KLHL26: variants seen among roughly 807,000 people sequenced by gnomAD.
KLHL26 encodes kelch-like protein 26.
KLHL26 carries 4 observed loss-of-function variants against 7.1 expected under a neutral mutation model. That is an observed-to-expected ratio of 0.56 (90% CI 0.28 to 1.28). The LOEUF (loss-of-function observed/expected upper bound fraction) is 1.28, where lower values mean the gene tolerates loss of function less well. KLHL26 is among the 50% of genes most tolerant of loss of function. The probability of loss-of-function intolerance (pLI) is 0.11; values close to 1 mark genes in which losing one functional copy is unlikely to be tolerated. For missense variants in KLHL26, 896 were observed against 924.6 expected (o/e 0.97, Z 0.40); for synonymous variants, 465 against 414.1 (o/e 1.12, Z -1.49).
chr19:18,666,626 G>A (rs2052450695), intron 2 of KLHL26, among the ~76,000 whole-genome samples: 1 of 152,146 alleles, frequency 6.6e-6, no homozygotes, highest in Non-Finnish European at 1.5e-5. Context: ...CGGAGCTGGG[G>A]TCTCAATGGA....
In KLHL26 at chr19:18,668,091, C is replaced by A. The variant is rs780012342; in HGVS notation, c.694C>A (p.Arg232Ser). Residue 232 changes from arginine (R) to serine (S), a missense_variant, in exon 3 of 3, where the codon CGC (arginine) becomes AGC (serine). Transcript: ENST00000300976. Reference protein sequence around the residue: ...AEIDLFRAAVRWLQHDPARRP... With the variant: ...AEIDLFRAAVSWLQHDPARRP... ...GATCGACCTGTTCCGCGCGGCCGTC[C>A]GCTGGCTGCAGCATGACCCGGCCCG... 1 of 1,604,752 alleles carries A rather than the reference C, an allele frequency of 6.2e-7. No individual in the cohort carries two copies. Among genetic ancestry groups the A allele is most frequent in the Non-Finnish European group, 8.5e-7 (1 of 1,179,686 alleles).
At chr19:18,647,993 G>A (rs1281821697) in intron 1 of KLHL26, among the ~76,000 whole-genome samples, 1 of 152,210 alleles carries the variant, frequency 6.6e-6, no homozygotes, top group Non-Finnish European at 1.5e-5. Flanking sequence ...AACGTCGTGC[G>A]GTCATTTCCG....
chr19:18,665,582 C>A (rs906107307), intron 2 of KLHL26, among the ~76,000 whole-genome samples: 1 of 152,226 alleles, frequency 6.6e-6, no homozygotes, highest in African/African-American at 2.4e-5. Flanking sequence ...GAGTTCTCCT[C>A]CCTGTCTCCC....
In KLHL26 at chr19:18,668,347, C is replaced by T. The variant is rs750154138; in HGVS notation, c.950C>T (p.Thr317Met). Residue 317 changes from threonine to methionine, a missense_variant, in exon 3 of 3, where the codon ACG becomes ATG. Coordinates refer to ENST00000300976, the MANE Select transcript of KLHL26 (RefSeq NM_018316.3). ...DVPSLVTFGG[T>M]PYTDSDRSVS... ...CCCTCGCTCGTCACCTTCGGCGGCA[C>T]GCCCTACACCGACAGCGACCGCTCG... is the stretch of plus-strand genomic sequence containing the variant. 1.9e-6 allele frequency: 3 copies of T among 1,607,552 alleles called. No homozygotes were observed. Among genetic ancestry groups the T allele is most frequent in the African/African-American group, 1.3e-5 (1 of 74,896 alleles).
At chr19:18,652,875 C>T (rs1222785007) in intron 1 of KLHL26, among the ~76,000 whole-genome samples, 3 of 152,120 alleles carry the variant, frequency 2.0e-5, no homozygotes, top group African/African-American at 7.2e-5. Flanking sequence ...GGCAGGCAGC[C>T]TAGAAAAGGG....
Position 18,668,804 on chromosome 19 carries a change from G to A in KLHL26, c.1407G>A (p.Gly469=). 6.3e-7 allele frequency: 1 copy of A among 1,595,940 alleles called. No homozygotes were observed. The highest frequency in any genetic ancestry group is 8.5e-7 in the Non-Finnish European group (1 of 1,178,080). Residue 469 remains glycine (G), a synonymous_variant, in exon 3 of 3, where the codon GGG becomes GGA. Transcript: ENST00000300976. ...GCCTCTACATCTCGGGTGGCTACGGGATCTCAGTGGAGGACAAGAAGGCCC... is the reference window on the plus strand; with the variant it reads ...GCCTCTACATCTCGGGTGGCTACGGAATCTCAGTGGAGGACAAGAAGGCCC... ...GGRLYISGGY[G]ISVEDKKALH...
intron 2 of KLHL26, 86 bp downstream of exon 2, chr19:18,664,529 C>A: frequency 2.7e-6 from 3 of 1,100,442 alleles, no homozygotes; most frequent in Non-Finnish European, 3.8e-6. Flanking sequence ...CTAAAGGGGG[C>A]CTGTCTCAGC....
rs1475357358 is a variant in KLHL26, at chr19:18,667,868, G to A, written c.471G>A (p.Lys157=). Residue 157 remains lysine, a synonymous_variant, in exon 3 of 3, where the codon AAG becomes AAA. Transcript: ENST00000300976. ...PVVELCEEFL[K]AAMSVETCLN... ...TGGAGCTGTGCGAGGAGTTCCTGAAGGCGGCCATGAGCGTGGAGACCTGCC... is the reference window on the plus strand; with the variant it reads ...TGGAGCTGTGCGAGGAGTTCCTGAAAGCGGCCATGAGCGTGGAGACCTGCC... 6.2e-6 allele frequency: 10 copies of A among 1,612,914 alleles called. No individual in the cohort carries two copies. Among genetic ancestry groups the A allele is most frequent in the Middle Eastern group, 1.6e-4 (1 of 6,062 alleles).
At position 18,637,165 on chromosome 19, in the gene KLHL26, G is replaced by A. The variant is rs1705226035; in HGVS notation, c.83+28G>A. 3.1e-6 allele frequency: 4 copies of A among 1,295,706 alleles called. No homozygotes were observed. In the Admixed American group the frequency reaches 1.7e-4, roughly 54 times the overall value. The allele number at this position is 1,295,706 out of a possible 1,614,324, so 80.3% of individuals were successfully genotyped here. On this transcript the variant is annotated intron_variant, in intron 1 of 2. Coordinates refer to ENST00000300976, the MANE Select transcript of KLHL26 (RefSeq NM_018316.3). The stretch of plus-strand genomic sequence containing the variant: ...GAGACCCGGCCCGCAGGATAGACCT[G>A]CACCTGTCTTGGAGCCCAGGAAACC...
At chr19:18,638,659 G>T (rs1976660201) in intron 1 of KLHL26, among the ~76,000 whole-genome samples, 1 of 152,212 alleles carries the variant, frequency 6.6e-6, no homozygotes, top group African/African-American at 2.4e-5. Flanking sequence ...CCTGCCTTGG[G>T]CACTGGAGTG....
In KLHL26 at chr19:18,668,214, G is replaced by A. The variant is rs1301794630; in HGVS notation, c.817G>A (p.Glu273Lys). The A allele has an allele frequency of 4.3e-6, 7 of 1,611,778 alleles. No homozygotes were observed. Among genetic ancestry groups the A allele is most frequent in the Non-Finnish European group, 5.9e-6 (7 of 1,179,876 alleles). Residue 273 changes from glutamate (E) to lysine (K), a missense_variant, in exon 3 of 3, where the codon GAG (glutamate) becomes AAG (lysine). By Grantham distance (56) the Glu-to-Lys change is moderately conservative. Transcript: ENST00000300976. ...DSVQTLDIMV[E>K]DVLCRQYLLE... ...CGTGCAGACGCTGGACATCATGGTG[G>A]AGGACGTGCTGTGCCGCCAGTATCT...
rs1332978933 is a variant in KLHL26, at chr19:18,649,181, C to T, written c.83+12044C>T. ...GCTCGCCCTGTCGTCATGGTACATT[C>T]TCTGCTTGAGGACCCATGTCCCTGT... On this transcript the variant is annotated intron_variant, in intron 1 of 2. Transcript: ENST00000300976. This position sits in a 1 kb window ranked among gnomAD's most constrained non-coding sequence, Gnocchi z 4.0. Among the ~76,000 whole-genome samples the T allele has an allele frequency of 6.6e-6, 1 of 152,232 alleles. No homozygotes were observed. The highest frequency in any genetic ancestry group is 1.5e-5 in the Non-Finnish European group (1 of 68,054).
At position 18,668,952 on chromosome 19, in the gene KLHL26, C is replaced by G; in HGVS notation, c.1555C>G (p.His519Asp). Residue 519 changes from histidine (H) to aspartate (D), a missense_variant, in exon 3 of 3, where the codon CAC (histidine) becomes GAC (aspartate). Transcript: ENST00000300976. The part of the protein sequence containing the change: ...RIYALGGRMD[H>D]VDRCFDVLAV... ...CTATGCCCTCGGGGGCCGCATGGAC[C>G]ACGTGGACCGCTGCTTCGACGTGCT... The G allele has an allele frequency of 6.2e-7, 1 of 1,611,064 alleles. No homozygotes were observed. The highest frequency in any genetic ancestry group is 8.5e-7 in the Non-Finnish European group (1 of 1,179,916).
In KLHL26 at chr19:18,668,100, C is replaced by CA; in HGVS notation, c.704dup (p.His236AlafsTer2). The stretch of plus-strand genomic sequence containing the variant: ...GTTCCGCGCGGCCGTCCGCTGGCTG[C>CA]AGCATGACCCGGCCCGGCGGCCGCG... On this transcript the variant is annotated frameshift_variant, in exon 3 of 3. Transcript: ENST00000300976. LOFTEE classifies it low-confidence loss of function (END_TRUNC). 6.2e-7 allele frequency: 1 copy of CA among 1,603,766 alleles called. No homozygotes were observed.
At position 18,667,968 on chromosome 19, in the gene KLHL26, C is replaced by T. The variant is rs1376176038; in HGVS notation, c.571C>T (p.His191Tyr). The change falls in exon 3 of 3, where the codon CAC becomes TAC. Residue 191 changes from histidine (H) to tyrosine (Y), a missense_variant. Transcript: ENST00000300976. Reference protein sequence around the residue: ...RESVDAFTFRHFLQIAEEEDF... With the variant: ...RESVDAFTFRYFLQIAEEEDF... ...GTCGGTGGATGCCTTCACCTTCCGG[C>T]ACTTCCTGCAGATCGCCGAGGAGGA... The T allele has an allele frequency of 1.2e-6, 2 of 1,608,934 alleles. No homozygotes were observed. Among genetic ancestry groups the T allele is most frequent in the East Asian group, 2.2e-5 (1 of 44,866 alleles).
intron 1 of KLHL26, among the ~76,000 whole-genome samples, chr19:18,662,629 G>A (rs1275449685): frequency 1.3e-5 from 2 of 152,188 alleles, no homozygotes; most frequent in Non-Finnish European, 2.9e-5. Flanking sequence ...GGGTGTCGGT[G>A]AGAGGGCATG....
In KLHL26 at chr19:18,646,951, C is replaced by A. The variant is rs1198371886; in HGVS notation, c.83+9814C>A. ...AGTAGGCCTGGGAGCAGGAGCTCGG[C>A]AGGGCGGGGGCAGGGGCGGCGGGGG... is the stretch of plus-strand genomic sequence containing the variant. On this transcript the variant is annotated intron_variant, in intron 1 of 2. Transcript: ENST00000300976. This position sits in a 1 kb window ranked among gnomAD's most constrained non-coding sequence, Gnocchi z 5.0. Among the ~76,000 whole-genome samples, 2 of 136,916 alleles carry A rather than the reference C, an allele frequency of 1.5e-5. No homozygotes were observed. The highest frequency in any genetic ancestry group is 3.1e-5 in the Non-Finnish European group (2 of 64,854). 89.8% of individuals were successfully genotyped at this position (136,916 alleles called of 152,430 possible). A position where few individuals can be genotyped will look rare whatever the true frequency, so the allele number is the denominator to read the frequency against.
intron 1 of KLHL26, among the ~76,000 whole-genome samples, chr19:18,652,325 C>T (rs575419174): frequency 1.3e-5 from 2 of 151,802 alleles, no homozygotes; most frequent in East Asian, 1.9e-4. Context: ...TGCGGTGGCT[C>T]CCGCCTGTAA....
intron 1 of KLHL26, among the ~76,000 whole-genome samples, chr19:18,640,048 C>A (rs952005226): frequency 5.3e-5 from 8 of 150,712 alleles, no homozygotes; most frequent in African/African-American, 1.7e-4. Flanking sequence ...TCCATACAAT[C>A]TCGTATGGAC....
Sources: allele counts gnomAD v4.1 joint callset (sites outside exome capture counted in the v4.1 genomes callset), GRCh38; gene constraint gnomAD v4.1.1; non-coding constraint Gnocchi (gnomAD v3.1); transcripts MANE v1.5; gene names NCBI Gene and HGNC (gene_info 2026-07-23, HGNC 2026-07-21).